The following RAB10 variants were observed in gnomAD, a reference collection of about 807,000 sequenced individuals.
The protein encoded by RAB10 is RAB10, member RAS oncogene family, also known as ras-related protein Rab-10.
In RAB10, 5 loss-of-function variants were observed where a neutral mutation model predicts 25.7. That is an observed-to-expected ratio of 0.19 (90% CI 0.10 to 0.41). RAB10 has a LOEUF of 0.41. RAB10 is among the 10% of genes least tolerant of loss of function. The probability of loss-of-function intolerance (pLI) is 1.00; values close to 1 mark genes in which losing one functional copy is unlikely to be tolerated. For missense variants in RAB10, 103 were observed against 245.8 expected (o/e 0.42, Z 3.89); for synonymous variants, 89 against 86.4 (o/e 1.03, Z -0.16).
chr2:26,065,932 G>T (rs1205889791), intron 1 of RAB10, among the ~76,000 whole-genome samples: 1 of 152,022 alleles, frequency 6.6e-6, no homozygotes, highest in East Asian at 1.9e-4. Flanking sequence ...TTAGCTTAGT[G>T]GGAATATTGT....
intron 1 of RAB10, among the ~76,000 whole-genome samples, chr2:26,035,527 A>T (rs575732935): frequency 5.6e-4 from 86 of 152,336 alleles, no homozygotes; most frequent in African/African-American, 2.0e-3. Context: ...AGAGCTAAAG[A>T]GTGACCTTTT....
chr2:26,055,667 G>A (rs1666246242), intron 1 of RAB10, among the ~76,000 whole-genome samples: 1 of 152,092 alleles, frequency 6.6e-6, no homozygotes, highest in Admixed American at 6.6e-5. Context: ...GGAATTACAG[G>A]TGTGAGCCAC....
chr2:26,098,860 A>G, intron 2 of RAB10, 138 bp downstream of exon 2: 2 of 659,276 alleles, frequency 3.0e-6, no homozygotes, highest in Non-Finnish European at 5.1e-6. Context: ...CTTTTTGTGC[A>G]GTAAAAACCA....
chr2:26,103,554 A>G lies in RAB10; in HGVS notation c.188+4832A>G, dbSNP rs566677094. On this transcript the variant is annotated intron_variant, in intron 2 of 5. Coordinates refer to ENST00000264710, the MANE Select transcript of RAB10 (RefSeq NM_016131.5). The stretch of plus-strand genomic sequence containing the variant: ...TCTGTTTTTACTTTTATTTTTTTGG[A>G]AAGCCTAGTCATATTTTCAGTTTGT... Among the ~76,000 whole-genome samples, 5 of 152,240 alleles carry G rather than the reference A, an allele frequency of 3.3e-5. 1 individual carries two copies. In the South Asian group the frequency reaches 1.0e-3, roughly 32 times the overall value.
At chr2:26,035,752 C>CT (rs888795590) in intron 1 of RAB10, among the ~76,000 whole-genome samples, 2 of 152,146 alleles carry the variant, frequency 1.3e-5, no homozygotes, top group Admixed American at 1.3e-4. Context: ...TATTGAGAGG[C>CT]TTTTAAAAAG....
intron 1 of RAB10, among the ~76,000 whole-genome samples, chr2:26,048,742 G>A (rs904117154): frequency 3.3e-5 from 5 of 152,176 alleles, no homozygotes; most frequent in South Asian, 2.1e-4. Context: ...GGATGTGGTG[G>A]TGTGCACCTG....
intron 1 of RAB10, among the ~76,000 whole-genome samples, chr2:26,063,233 A>C (rs1666446042): frequency 6.6e-6 from 1 of 152,176 alleles, no homozygotes; most frequent in African/African-American, 2.4e-5. Flanking sequence ...TTTAGACTCC[A>C]GTCATGTTGG....
intron 3 of RAB10, among the ~76,000 whole-genome samples, chr2:26,115,408 C>A (rs1240445253): frequency 6.6e-6 from 1 of 152,050 alleles, no homozygotes; most frequent in Non-Finnish European, 1.5e-5. Flanking sequence ...ATCACTCAGC[C>A]ATTAAAAGGC....
chr2:26,039,263 C>T (rs182470180), intron 1 of RAB10, among the ~76,000 whole-genome samples: 146 of 151,998 alleles, frequency 9.6e-4, no homozygotes, highest in African/African-American at 3.4e-3. Context: ...TCAGGTGATC[C>T]GCCCACCTTG....
chr2:26,090,938 C>A (rs1007456327), intron 1 of RAB10, among the ~76,000 whole-genome samples: 5 of 63,934 alleles, frequency 7.8e-5, no homozygotes, highest in East Asian at 6.5e-4. Flanking sequence ...TGTCTCCCCC[C>A]CCAAAAAAAA....
intron 3 of RAB10, among the ~76,000 whole-genome samples, chr2:26,119,176 G>T (rs560290489): frequency 2.0e-5 from 3 of 152,288 alleles, no homozygotes; most frequent in South Asian, 4.1e-4. Flanking sequence ...GGAATCCAAG[G>T]TGGGAGGATT....
intron 5 of RAB10, among the ~76,000 whole-genome samples, chr2:26,129,353 A>G (rs1667968498): frequency 6.6e-6 from 1 of 151,906 alleles, no homozygotes; most frequent in Non-Finnish European, 1.5e-5. Context: ...ATGTAATTAC[A>G]TTTGGTAACC....
At chr2:26,070,360 ATC>A (rs1294480421) in intron 1 of RAB10, among the ~76,000 whole-genome samples, 2 of 152,186 alleles carry the variant, frequency 1.3e-5, no homozygotes, top group Non-Finnish European at 2.9e-5. Flanking sequence ...ATCTGGTTTT[ATC>A]TGTTTTTCAC....
intron 1 of RAB10, among the ~76,000 whole-genome samples, chr2:26,076,422 G>C (rs1255721913): frequency 6.6e-6 from 1 of 152,142 alleles, no homozygotes; most frequent in African/African-American, 2.4e-5. Context: ...TTTTTTGGGA[G>C]TAGCTTTGTA....
intron 1 of RAB10, among the ~76,000 whole-genome samples, chr2:26,065,285 A>G (rs1666491219): frequency 6.6e-6 from 1 of 151,478 alleles, no homozygotes; most frequent in Admixed American, 6.6e-5. Context: ...ATGTGCCTTT[A>G]TTAGCTGTAT....
chr2:26,124,496 G>A (rs1667869547), intron 3 of RAB10, among the ~76,000 whole-genome samples: 1 of 142,322 alleles, frequency 7.0e-6, no homozygotes, highest in African/African-American at 2.6e-5. Context: ...GAGCTCTTGG[G>A]CTCAAGTGCT....
chr2:26,065,713 C>T (rs1239955379), intron 1 of RAB10, among the ~76,000 whole-genome samples: 1 of 152,142 alleles, frequency 6.6e-6, no homozygotes. Context: ...TAACAGAAAT[C>T]ACATGCTGTC....
intron 1 of RAB10, among the ~76,000 whole-genome samples, chr2:26,098,207 G>C (rs1166299319): frequency 7.3e-6 from 1 of 137,152 alleles, no homozygotes; most frequent in African/African-American, 2.7e-5. Context: ...TGCAACCTCT[G>C]CCTCTTGGGT....
At chr2:26,033,859 C>T (rs1665693473), upstream of RAB10, among the ~76,000 whole-genome samples, 1 of 152,182 alleles carries the variant, frequency 6.6e-6, no homozygotes, top group Non-Finnish European at 1.5e-5. Flanking sequence ...GGGGCGTGCT[C>T]GTAACGCCGC....
Sources: gnomAD v4.1 joint callset for allele counts (sites outside exome capture counted in the v4.1 genomes callset) on GRCh38, gnomAD v4.1.1 for gene constraint, MANE v1.5 for transcripts, NCBI Gene and HGNC (gene_info 2026-07-23, HGNC 2026-07-21) for gene names.